TSGA10: variants seen among roughly 807,000 people sequenced by gnomAD.
TSGA10 encodes the protein testis-specific gene 10 protein.
TSGA10 carries 43 observed loss-of-function variants against 96.6 expected under a neutral mutation model. The ratio of observed to expected loss-of-function variants is 0.44; its 90% CI spans 0.35 to 0.57. The LOEUF (loss-of-function observed/expected upper bound fraction) is 0.57. Ranked by LOEUF, TSGA10 falls within the 20% of genes least tolerant of loss-of-function variation. The pLI, the probability that TSGA10 is intolerant of heterozygous loss-of-function variation, is 0.01. For missense variants in TSGA10, 703 were observed against 834.4 expected (o/e 0.84, Z 1.94); for synonymous variants, 229 against 269.9 (o/e 0.85, Z 1.48).
At position 99,022,695 on chromosome 2, in the gene TSGA10, G is replaced by C. The variant is rs1271028372; in HGVS notation, c.1615-2213C>G. On this transcript the variant is annotated intron_variant, in intron 17 of 20. Coordinates refer to ENST00000393483, the MANE Select transcript of TSGA10 (RefSeq NM_025244.4). Reference sequence around the variant, plus strand: ...GTATGGACATGTTTTCATTCCTCTTGAATAGATAGAAGTGACATTTATGAG... The same window carrying C: ...GTATGGACATGTTTTCATTCCTCTTCAATAGATAGAAGTGACATTTATGAG... Among the ~76,000 whole-genome samples the C allele has an allele frequency of 5.3e-5, 8 of 152,050 alleles. No homozygotes were observed. The East Asian group carries it at 1.5e-3, about 29-fold the overall frequency.
rs949677834 is a variant in TSGA10 at position 99,020,295 on chromosome 2, A to C, written c.1802T>G (p.Leu601Trp). 6.2e-7 allele frequency: 1 copy of C among 1,613,442 alleles called. No individual in the cohort carries two copies. Among genetic ancestry groups the C allele is most frequent in the Admixed American group, 1.7e-5 (1 of 59,998 alleles). Residue 601 changes from leucine (L) to tryptophan (W), a missense_variant, in exon 18 of 21, where the codon TTG becomes TGG. By Grantham distance (61) the Leu-to-Trp change is moderately conservative. Coordinates refer to ENST00000393483, the MANE Select transcript of TSGA10 (RefSeq NM_025244.4). ...AACAACTCACATTTTATTTTCTGCC[A>C]AACAAAGGTGTTCTTTAAGAAGCTG... ...EIQLLKEHLCLAENKMAIQSR... is the reference protein window; with the variant it reads ...EIQLLKEHLCWAENKMAIQSR...
intron 20 of TSGA10, among the ~76,000 whole-genome samples, chr2:99,006,302 T>C (rs1363652504): frequency 2.0e-5 from 3 of 152,062 alleles, no homozygotes; most frequent in Admixed American, 1.3e-4. Flanking sequence ...TGGGATCTAA[T>C]TAAACTAAAG....
chr2:99,089,949 C>T (rs2089084694), intron 10 of TSGA10, among the ~76,000 whole-genome samples: 1 of 152,186 alleles, frequency 6.6e-6, no homozygotes, highest in South Asian at 2.1e-4. Flanking sequence ...AGGAGGCCAA[C>T]CAGCACAAAA....
intron 15 of TSGA10, among the ~76,000 whole-genome samples, chr2:99,068,247 GGATT>G (rs1386410014): frequency 3.9e-5 from 6 of 152,050 alleles, no homozygotes; most frequent in African/African-American, 9.7e-5. Context: ...TAGTATAGGT[GGATT>G]GATTATTATA....
intron 1 of TSGA10, among the ~76,000 whole-genome samples, chr2:99,134,365 T>G (rs536078893): frequency 6.6e-5 from 10 of 152,256 alleles, no homozygotes; most frequent in African/African-American, 1.9e-4. Context: ...TCCACTTGAT[T>G]GATTCAGCTA....
chr2:99,002,947 C>T (rs1233108854), intron 20 of TSGA10, among the ~76,000 whole-genome samples: 3 of 151,910 alleles, frequency 2.0e-5, no homozygotes, highest in Non-Finnish European at 2.9e-5. Flanking sequence ...GCAACCTCCA[C>T]CTCCCAGGTT....
intron 16 of TSGA10, among the ~76,000 whole-genome samples, chr2:99,055,834 C>T (rs1044693880): frequency 2.0e-5 from 1 of 51,064 alleles, no homozygotes. Flanking sequence ...GCCTGGGCAA[C>T]AAAGCAAGAC....
intron 17 of TSGA10, among the ~76,000 whole-genome samples, chr2:99,032,559 G>GA (rs199866383): frequency 1.4e-4 from 22 of 151,924 alleles, no homozygotes; most frequent in Middle Eastern, 6.8e-3. Context: ...TTTCTCAAAA[G>GA]AAAAAAAATG....
intron 16 of TSGA10, among the ~76,000 whole-genome samples, chr2:99,046,967 A>G (rs1423507266): frequency 6.6e-6 from 1 of 152,258 alleles, no homozygotes; most frequent in African/African-American, 2.4e-5. Context: ...AAACTTGAAA[A>G]TCTAGAAGAA....
At chr2:99,022,898 G>A (rs767508473) in intron 17 of TSGA10, among the ~76,000 whole-genome samples, 5 of 152,062 alleles carry the variant, frequency 3.3e-5, no homozygotes, top group Non-Finnish European at 7.4e-5. Context: ...AAATAGTATG[G>A]TTTTGATTTG....
At chr2:99,022,559 T>C (rs114892607) in intron 17 of TSGA10, among the ~76,000 whole-genome samples, 2,700 of 152,266 alleles carry the variant, frequency 0.018, 36 homozygotes, top group South Asian at 0.047. Flanking sequence ...CTAATAATAT[T>C]CCATTGCATA....
intron 17 of TSGA10, among the ~76,000 whole-genome samples, chr2:99,029,956 T>C (rs2105034031): frequency 6.6e-6 from 1 of 152,250 alleles, no homozygotes; most frequent in East Asian, 1.9e-4. Flanking sequence ...GATATAGTGG[T>C]TGTTTACCTA....
At chr2:99,063,206 C>T (rs2084892359) in intron 16 of TSGA10, among the ~76,000 whole-genome samples, 1 of 152,130 alleles carries the variant, frequency 6.6e-6, no homozygotes, top group Admixed American at 6.5e-5. Context: ...AAATCAATCT[C>T]AAGCAGGTTA....
intron 20 of TSGA10, among the ~76,000 whole-genome samples, chr2:99,013,344 AT>A (rs1573456502): frequency 6.6e-6 from 1 of 151,950 alleles, no homozygotes; most frequent in East Asian, 1.9e-4. Context: ...ATAATTATTA[AT>A]TTTTTTGAGA....
chr2:99,073,995 C>CTTTTTTTTTTTTTTT (rs2086298056), intron 12 of TSGA10, among the ~76,000 whole-genome samples: 3 of 36,138 alleles, frequency 8.3e-5, no homozygotes, highest in African/African-American at 2.2e-4. Flanking sequence ...GTTCCTGTTT[C>CTTTTTTTTTTTTTTT]TTTTCTTTTT....
intron 10 of TSGA10, among the ~76,000 whole-genome samples, chr2:99,100,140 T>C (rs2090524380): frequency 6.6e-6 from 1 of 152,232 alleles, no homozygotes; most frequent in African/African-American, 2.4e-5. Flanking sequence ...CATTAAAATC[T>C]TAATAGTGTT....
intron 17 of TSGA10, among the ~76,000 whole-genome samples, chr2:99,026,161 C>G (rs1335953833): frequency 6.6e-6 from 1 of 152,148 alleles, no homozygotes; most frequent in African/African-American, 2.4e-5. Context: ...TAGCTGCTCT[C>G]TTCATTATTG....
intron 10 of TSGA10, among the ~76,000 whole-genome samples, chr2:99,101,244 CA>C (rs869263270): frequency 0.046 from 1,108 of 24,208 alleles, 3 homozygotes; most frequent in East Asian, 0.14. Context: ...GACTCTGTCT[CA>C]AAAAAAAAAA....
chr2:99,105,634 T>C lies in TSGA10; in HGVS notation c.274A>G (p.Thr92Ala). The change falls in exon 8 of 21, where the codon ACA becomes GCA. Residue 92 changes from threonine to alanine, a missense_variant. Physicochemically the swap from Thr to Ala is moderately conservative, Grantham distance 58. Around this residue, in one of 3 missense-constraint regions of TSGA10, gnomAD observed 585 missense variants for 656.8 expected, o/e 0.89. Coordinates refer to ENST00000393483, the MANE Select transcript of TSGA10 (RefSeq NM_025244.4). ...CGCCGGAGAATAGCATGTGCCGTTGTTGATTTAGGACTCTTACAGCTTTTC... is the reference window on the plus strand; with the variant it reads ...CGCCGGAGAATAGCATGTGCCGTTGCTGATTTAGGACTCTTACAGCTTTTC... ...MMKSCKSPKS[T>A]TAHAILRRVE... 1 of 1,607,740 alleles carries C rather than the reference T, an allele frequency of 6.2e-7. No individual in the cohort carries two copies. Among genetic ancestry groups the C allele is most frequent in the Non-Finnish European group, 8.5e-7 (1 of 1,174,492 alleles).
Sources: allele counts gnomAD v4.1 joint callset (sites outside exome capture counted in the v4.1 genomes callset), GRCh38; gene constraint gnomAD v4.1.1; regional missense constraint gnomAD v4.1.1; transcripts MANE v1.5; gene names NCBI Gene and HGNC (gene_info 2026-07-23, HGNC 2026-07-21).